Variants in ARHGAP15 observed in about 807,000 individuals in gnomAD.
ARHGAP15 encodes the protein Rho GTPase activating protein 15, also known as rho GTPase-activating protein 15.
ARHGAP15 carries 51 observed loss-of-function variants against 63.7 expected under a neutral mutation model. That is an observed-to-expected ratio of 0.80 (90% CI 0.64 to 1.01). ARHGAP15 has a LOEUF of 1.01. Among genes scored for constraint, ARHGAP15 ranks in the 50% least tolerant of loss-of-function variants. ARHGAP15 has a pLI of 0.00. For synonymous variants in ARHGAP15, 191 were observed against 193.8 expected (o/e 0.99, Z 0.12); for missense variants, 560 against 564.6 (o/e 0.99, Z 0.08).
chr2:143,555,985 G>A (rs1314329471), intron 10 of ARHGAP15, among the ~76,000 whole-genome samples: 1 of 152,024 alleles, frequency 6.6e-6, no homozygotes, highest in Non-Finnish European at 1.5e-5. Flanking sequence ...AAGGAAAGAA[G>A]AGAGACAGAA....
chr2:143,700,727 C>T (rs1272438296), intron 12 of ARHGAP15, among the ~76,000 whole-genome samples: 1 of 152,008 alleles, frequency 6.6e-6, no homozygotes, highest in Non-Finnish European at 1.5e-5. Context: ...TATACACACA[C>T]AATTATGGTT....
At position 143,273,532 on chromosome 2, in the gene ARHGAP15, A is replaced by C. The variant is rs189482444; in HGVS notation, c.474+22932A>C. Among the ~76,000 whole-genome samples the C allele has an allele frequency of 9.8e-5, 15 of 152,300 alleles. 1 individual carries two copies. The South Asian group carries it at 1.9e-3, about 19-fold the overall frequency. On this transcript the variant is annotated intron_variant, in intron 6 of 13. Transcript: ENST00000295095. The stretch of plus-strand genomic sequence containing the variant: ...ATGGTTTTATAGTATAAAATGTTCA[A>C]CCTAACTCTAGTTAATAAGTATATG...
At chr2:143,295,255 G>T (rs1284369568) in intron 6 of ARHGAP15, among the ~76,000 whole-genome samples, 7 of 152,060 alleles carry the variant, frequency 4.6e-5, no homozygotes, top group African/African-American at 1.7e-4. Flanking sequence ...CTCTAATTAG[G>T]CATGGCTTAA....
At chr2:143,711,116 A>G (rs1684562411) in intron 13 of ARHGAP15, among the ~76,000 whole-genome samples, 1 of 152,190 alleles carries the variant, frequency 6.6e-6, no homozygotes. Flanking sequence ...GGCTGCTTTC[A>G]TGCTACAAAG....
At chr2:143,361,368 A>G (rs1338931921) in intron 6 of ARHGAP15, among the ~76,000 whole-genome samples, 1 of 152,218 alleles carries the variant, frequency 6.6e-6, no homozygotes, top group African/African-American at 2.4e-5. Flanking sequence ...ACATTATTAC[A>G]AACATTATTA....
Position 143,556,408 on chromosome 2 carries a change from G to T in ARHGAP15, c.926G>T (p.Gly309Val), listed in dbSNP as rs887912615. ...ATAAAATATGCCCTTTTGTCTTCAG[G>T]TCTAGATGTTGATGGAATATATCGA... ...KQCIEAVEKRGLDVDGIYRVS... is the reference protein window; with the variant it reads ...KQCIEAVEKRVLDVDGIYRVS... Residue 309 changes from glycine (G) to valine (V), a missense_variant and splice_region_variant, in exon 11 of 14, where the codon GGT becomes GTT. Gly to Val is a moderately radical substitution (Grantham distance 109). Transcript: ENST00000295095. The T allele has an allele frequency of 8.7e-6, 14 of 1,608,522 alleles. No homozygotes were observed. Among genetic ancestry groups the T allele is most frequent in the Non-Finnish European group, 1.1e-5 (13 of 1,176,814 alleles).
chr2:143,604,323 C>T (rs577327700), intron 11 of ARHGAP15, among the ~76,000 whole-genome samples: 1 of 152,166 alleles, frequency 6.6e-6, no homozygotes, highest in Non-Finnish European at 1.5e-5. Context: ...TGACTGGGAT[C>T]GAATCACATG....
intron 13 of ARHGAP15, among the ~76,000 whole-genome samples, chr2:143,709,302 C>T (rs1051038386): frequency 6.6e-6 from 1 of 152,164 alleles, no homozygotes; most frequent in Non-Finnish European, 1.5e-5. Flanking sequence ...ATTATGCATG[C>T]ACACATTACT....
At chr2:143,436,771 T>C (rs1689630621) in intron 7 of ARHGAP15, 142 bp from the exon 8 acceptor site, 3 of 729,760 alleles carry the variant, frequency 4.1e-6, no homozygotes, top group Non-Finnish European at 6.7e-6. Flanking sequence ...TATTAGAGTA[T>C]TGAGCTTAGC....
At chr2:143,208,856 T>G (rs1388025483) in intron 3 of ARHGAP15, among the ~76,000 whole-genome samples, 1 of 152,138 alleles carries the variant, frequency 6.6e-6, no homozygotes, top group Non-Finnish European at 1.5e-5. Context: ...GTGTAAGACA[T>G]GTCTATGGAA....
chr2:143,764,335 A>T (rs950999102), intron 13 of ARHGAP15, among the ~76,000 whole-genome samples: 1 of 152,084 alleles, frequency 6.6e-6, no homozygotes, highest in African/African-American at 2.4e-5. Flanking sequence ...TTCCCCAAGG[A>T]GGTACTCAGA....
At chr2:143,687,286 A>G (rs1240758327) in intron 12 of ARHGAP15, among the ~76,000 whole-genome samples, 1 of 152,182 alleles carries the variant, frequency 6.6e-6, no homozygotes, top group African/African-American at 2.4e-5. Flanking sequence ...TAGAAATGTT[A>G]CTGTGACTTC....
chr2:143,308,404 T>C (rs1683275775), intron 6 of ARHGAP15, among the ~76,000 whole-genome samples: 1 of 152,012 alleles, frequency 6.6e-6, no homozygotes. Context: ...GGCAAGTGAC[T>C]GACCCTGTCC....
chr2:143,444,481 G>A (rs1690043750), intron 8 of ARHGAP15, among the ~76,000 whole-genome samples: 1 of 152,188 alleles, frequency 6.6e-6, no homozygotes, highest in Admixed American at 6.5e-5. Context: ...TTTGTACAGT[G>A]AATCCATGTG....
At chr2:143,188,644 A>ATTATTC (rs1249148931) in intron 2 of ARHGAP15, among the ~76,000 whole-genome samples, 1 of 142,140 alleles carries the variant, frequency 7.0e-6, no homozygotes, top group Non-Finnish European at 1.5e-5. Context: ...TATTATTATT[A>ATTATTC]TTATTATTAT....
At chr2:143,551,176 G>A (rs1695546408) in intron 10 of ARHGAP15, among the ~76,000 whole-genome samples, 2 of 151,972 alleles carry the variant, frequency 1.3e-5, no homozygotes, top group Admixed American at 1.3e-4. Context: ...TTCGAGACAG[G>A]GCCTCACTCT....
chr2:143,522,214 C>G (rs1372029379), intron 10 of ARHGAP15: 1 of 152,130 alleles, frequency 6.6e-6, no homozygotes, highest in African/African-American at 2.4e-5. Context: ...CTTTATTACT[C>G]TAAACTACCA....
intron 11 of ARHGAP15, among the ~76,000 whole-genome samples, chr2:143,604,993 C>A (rs953798656): frequency 1.3e-5 from 2 of 152,136 alleles, no homozygotes; most frequent in Non-Finnish European, 2.9e-5. Flanking sequence ...ACTGCAACCT[C>A]CACCTCCCAG....
intron 6 of ARHGAP15, among the ~76,000 whole-genome samples, chr2:143,400,077 A>G (rs558865075): frequency 6.6e-6 from 1 of 152,180 alleles, no homozygotes; most frequent in South Asian, 2.1e-4. Flanking sequence ...AAGCTCCATT[A>G]GTATCATCAT....
Sources: gnomAD v4.1 joint callset for allele counts (sites outside exome capture counted in the v4.1 genomes callset) on GRCh38, gnomAD v4.1.1 for gene constraint, MANE v1.5 for transcripts, NCBI Gene and HGNC (gene_info 2026-07-23, HGNC 2026-07-21) for gene names.